NIBAN1: variants seen among roughly 807,000 people sequenced by gnomAD.
The protein encoded by NIBAN1 is niban apoptosis regulator 1.
NIBAN1 carries 81 observed loss-of-function variants against 75.1 expected under a neutral mutation model. The ratio of observed to expected loss-of-function variants is 1.08; its 90% CI spans 0.90 to 1.30. NIBAN1 has a LOEUF of 1.30. Among genes scored for constraint, NIBAN1 ranks in the 50% most tolerant of loss-of-function variants. The pLI, the probability that NIBAN1 is intolerant of heterozygous loss-of-function variation, is 0.00. For missense variants in NIBAN1, 1,133 were observed against 1,128.1 expected, an observed-to-expected ratio of 1.00 and a Z score of -0.06; for synonymous variants, 436 against 424.8, an observed-to-expected ratio of 1.03 and a Z score of -0.32.
At chr1:184,839,490 G>A (rs956815346) in intron 5 of NIBAN1, among the ~76,000 whole-genome samples, 1 of 151,902 alleles carries the variant, frequency 6.6e-6, no homozygotes, top group African/African-American at 2.4e-5. Context: ...CCATGAAATT[G>A]ACATTGCTGC....
rs140082685 is a variant in NIBAN1 at position 184,794,817 on chromosome 1, C to A, written c.*160G>T. Reference sequence around the variant, plus strand: ...AACAATTCATGTCCACAAAGGTTTGCCTCAGTTGCTCATGCCCTGTATGCA... The same window carrying A: ...AACAATTCATGTCCACAAAGGTTTGACTCAGTTGCTCATGCCCTGTATGCA... On this transcript the variant is annotated 3_prime_UTR_variant, in exon 14 of 14. Coordinates refer to ENST00000367511, the MANE Select transcript of NIBAN1 (RefSeq NM_052966.4). 2,364 of 878,956 alleles carry A rather than the reference C, an allele frequency of 2.7e-3. 10 individuals are homozygous for A. Among genetic ancestry groups the A allele is most frequent in the Non-Finnish European group, 3.1e-3 (1,734 of 556,182 alleles). The allele number at this position is 878,956 out of a possible 1,614,324, so 54.4% of individuals were successfully genotyped here.
intron 1 of NIBAN1, among the ~76,000 whole-genome samples, chr1:184,941,656 A>C (rs1658090521): frequency 6.6e-6 from 1 of 151,628 alleles, no homozygotes; most frequent in South Asian, 2.1e-4. Flanking sequence ...CTGTCTCAAA[A>C]AAAAAAAAAA....
chr1:184,907,814 C>G (rs565966909), intron 1 of NIBAN1, among the ~76,000 whole-genome samples: 1 of 152,196 alleles, frequency 6.6e-6, no homozygotes, highest in Non-Finnish European at 1.5e-5. Context: ...TGAACAGTCT[C>G]TCCTAGGAAA....
chr1:184,844,534 G>GA (rs1321395743), intron 5 of NIBAN1, among the ~76,000 whole-genome samples: 2 of 152,078 alleles, frequency 1.3e-5, no homozygotes, highest in Non-Finnish European at 2.9e-5. Flanking sequence ...GTAGAAAATG[G>GA]AAAAAACTGA....
intron 1 of NIBAN1, among the ~76,000 whole-genome samples, chr1:184,942,693 C>CA (rs1235041623): frequency 0.078 from 6,052 of 77,638 alleles, 385 homozygotes; most frequent in African/African-American, 0.17. Context: ...GACTCCGTCT[C>CA]AAAAAAAAAA....
At chr1:184,957,752 A>T (rs150607006) in intron 1 of NIBAN1, among the ~76,000 whole-genome samples, 2 of 152,354 alleles carry the variant, frequency 1.3e-5, no homozygotes, top group African/African-American at 4.8e-5. Flanking sequence ...GCCAGTTGAC[A>T]AGTCCAAAAT....
intron 5 of NIBAN1, among the ~76,000 whole-genome samples, chr1:184,835,063 C>T (rs1356491388): frequency 6.6e-6 from 1 of 152,156 alleles, no homozygotes; most frequent in East Asian, 1.9e-4. Context: ...CTACATATGG[C>T]TAGCCAGTTT....
intron 6 of NIBAN1, among the ~76,000 whole-genome samples, chr1:184,825,671 C>G (rs751401843): frequency 3.3e-5 from 5 of 152,208 alleles, no homozygotes; most frequent in East Asian, 1.9e-4. Context: ...TTCTACACAT[C>G]CACTCATGCT....
intron 1 of NIBAN1, among the ~76,000 whole-genome samples, chr1:184,914,958 G>A (rs1050426449): frequency 2.6e-5 from 4 of 152,118 alleles, no homozygotes; most frequent in Non-Finnish European, 5.9e-5. Flanking sequence ...TCCTGATCTC[G>A]TGATCCGCCT....
At chr1:184,822,456 G>T (rs1654729561) in intron 8 of NIBAN1, among the ~76,000 whole-genome samples, 1 of 152,192 alleles carries the variant, frequency 6.6e-6, no homozygotes, top group African/African-American at 2.4e-5. Flanking sequence ...ATACATAAAT[G>T]AATGTGCCTG....
chr1:184,835,740 G>T (rs922561260), intron 5 of NIBAN1, among the ~76,000 whole-genome samples: 2 of 152,116 alleles, frequency 1.3e-5, no homozygotes, highest in Admixed American at 6.6e-5. Flanking sequence ...AAGGAGATTT[G>T]GGGCTGAGAC....
chr1:184,833,715 G>T (rs2102239879), intron 5 of NIBAN1, among the ~76,000 whole-genome samples: 1 of 151,636 alleles, frequency 6.6e-6, no homozygotes, highest in South Asian at 2.1e-4. Flanking sequence ...AAAATAAATA[G>T]ATAAATAAAT....
intron 1 of NIBAN1, among the ~76,000 whole-genome samples, chr1:184,952,691 T>C (rs904127056): frequency 6.6e-6 from 1 of 152,242 alleles, no homozygotes; most frequent in African/African-American, 2.4e-5. Context: ...TGCACAAGCT[T>C]GGACTAAACT....
chr1:184,819,306 C>A (rs1370691034), intron 8 of NIBAN1, among the ~76,000 whole-genome samples: 1 of 152,116 alleles, frequency 6.6e-6, no homozygotes, highest in East Asian at 1.9e-4. Flanking sequence ...TTTCTTGGGC[C>A]AATGGAACCA....
At chr1:184,881,111 A>ACG (rs1656367113) in intron 5 of NIBAN1, among the ~76,000 whole-genome samples, 1 of 152,062 alleles carries the variant, frequency 6.6e-6, no homozygotes, top group African/African-American at 2.4e-5. Context: ...GCACACACAC[A>ACG]CACACACACA....
In NIBAN1 at chr1:184,795,369, C is replaced by T; in HGVS notation, c.2395G>A (p.Ala799Thr). The T allele has an allele frequency of 6.2e-7, 1 of 1,606,912 alleles. No homozygotes were observed. The highest frequency in any genetic ancestry group is 2.2e-5 in the East Asian group (1 of 44,838). The change falls in exon 14 of 14, where the codon GCC becomes ACC. Residue 799 changes from alanine (A) to threonine (T), a missense_variant. Transcript: ENST00000367511. Reference protein sequence around the residue: ...PEVGSPASPPASGGLTEEPLG... With the variant: ...PEVGSPASPPTSGGLTEEPLG... ...GGCTCCTCGGTGAGCCCTCCACTGG[C>T]TGGCGGAGAGGCTGGGCTGCCTACC... is the stretch of plus-strand genomic sequence containing the variant.
chr1:184,964,734 G>A (rs944460925), intron 1 of NIBAN1, among the ~76,000 whole-genome samples: 2 of 152,172 alleles, frequency 1.3e-5, no homozygotes, highest in Non-Finnish European at 1.5e-5. Context: ...GGTCTGTCCT[G>A]GCCAGTGTTG....
At chr1:184,808,027 G>GCTCT in intron 10 of NIBAN1, 47 bp downstream of exon 10, 1 of 1,606,704 alleles carries the variant, frequency 6.2e-7, no homozygotes, top group Non-Finnish European at 8.5e-7. Context: ...CCATTTCTCT[G>GCTCT]CTCTCTCTTT....
chr1:184,876,517 G>A (rs971624381), intron 5 of NIBAN1, among the ~76,000 whole-genome samples: 2 of 151,866 alleles, frequency 1.3e-5, no homozygotes, highest in African/African-American at 4.8e-5. Flanking sequence ...AGCCAACATG[G>A]TGAAACTCTG....
Sources: gnomAD v4.1 joint callset for allele counts (sites outside exome capture counted in the v4.1 genomes callset) on GRCh38, gnomAD v4.1.1 for gene constraint, MANE v1.5 for transcripts, NCBI Gene and HGNC (gene_info 2026-07-23, HGNC 2026-07-21) for gene names.